The following NUCB2 variants were observed in gnomAD, a reference collection of about 807,000 sequenced individuals.
NUCB2 encodes nucleobindin 2.
In NUCB2, 48 loss-of-function variants were observed where a neutral mutation model predicts 57.9. The ratio of observed to expected loss-of-function variants is 0.83; its 90% CI spans 0.66 to 1.05. The LOEUF is 1.05. NUCB2 is among the 50% of genes least tolerant of loss of function. The pLI is 0.00. For synonymous variants in NUCB2, 139 were observed against 152.1 expected, an observed-to-expected ratio of 0.91 and a Z score of 0.64; for missense variants, 442 against 476.2, an observed-to-expected ratio of 0.93 and a Z score of 0.67.
intron 2 of NUCB2, 128 bp from the exon 3 acceptor site, chr11:17,295,196 C>A: frequency 1.4e-6 from 1 of 718,358 alleles, no homozygotes; most frequent in Non-Finnish European, 2.1e-6. Context: ...CTTTCCTTTC[C>A]TATAATTTTT....
At chr11:17,303,629 A>T (rs2138683830) in intron 5 of NUCB2, among the ~76,000 whole-genome samples, 1 of 152,342 alleles carries the variant, frequency 6.6e-6, no homozygotes, top group East Asian at 1.9e-4. Context: ...TCACGCCTGT[A>T]ATCCCAGCAC....
intron 8 of NUCB2, among the ~76,000 whole-genome samples, chr11:17,311,623 A>G (rs915185668): frequency 2.0e-5 from 3 of 152,132 alleles, no homozygotes; most frequent in African/African-American, 7.2e-5. Context: ...ATATTGCTTT[A>G]CTTTATATTT....
In NUCB2 at chr11:17,348,318, T is replaced by G. The variant is rs555873769; in HGVS notation, n.2627-1027T>G. Reference sequence around the variant, plus strand: ...ATGAGGTGTTTTTTGTTTGTTTTTGTGTTTTTTTTTTTTTTTTTTTTTTTT... The same window carrying G: ...ATGAGGTGTTTTTTGTTTGTTTTTGGGTTTTTTTTTTTTTTTTTTTTTTTT... On this transcript the variant is annotated intron_variant and non_coding_transcript_variant, in intron 2 of 2. Coordinates refer to the NUCB2 transcript ENST00000532240. Among the ~76,000 whole-genome samples, 45 of 82,438 alleles carry G rather than the reference T, an allele frequency of 5.5e-4. 1 individual carries two copies. The South Asian group carries it at 0.017, about 30-fold the overall frequency. 54.1% of individuals were successfully genotyped at this position (82,438 alleles called of 152,430 possible).
At chr11:17,345,157 A>G (rs1470204807) in intron 2 of NUCB2, among the ~76,000 whole-genome samples, 2 of 152,176 alleles carry the variant, frequency 1.3e-5, no homozygotes, top group South Asian at 2.1e-4. Context: ...AAGACCATTC[A>G]GTATCTTCTG....
intron 11 of NUCB2, among the ~76,000 whole-genome samples, chr11:17,317,364 T>C (rs1949391535): frequency 6.6e-6 from 1 of 152,146 alleles, no homozygotes; most frequent in Non-Finnish European, 1.5e-5. Context: ...TAAGAGTAAA[T>C]TACACATCAT....
intron 2 of NUCB2, among the ~76,000 whole-genome samples, chr11:17,285,167 C>T (rs1048378000): frequency 2.6e-5 from 4 of 152,166 alleles, no homozygotes; most frequent in African/African-American, 4.8e-5. Context: ...GTGGCTCATG[C>T]CTGTAATCCC....
chr11:17,298,615 A>G (rs1375557608), intron 4 of NUCB2, among the ~76,000 whole-genome samples: 1 of 151,976 alleles, frequency 6.6e-6, no homozygotes, highest in East Asian at 1.9e-4. Context: ...TAAAACGCAA[A>G]CCAATAGAAT....
chr11:17,278,817 T>G (rs1285071247), intron 1 of NUCB2, among the ~76,000 whole-genome samples: 1 of 152,218 alleles, frequency 6.6e-6, no homozygotes, highest in African/African-American at 2.4e-5. Flanking sequence ...AAGGACCCTT[T>G]TGAAGGCTGG....
At chr11:17,312,618 G>A (rs1034858160) in intron 10 of NUCB2, among the ~76,000 whole-genome samples, 1 of 151,970 alleles carries the variant, frequency 6.6e-6, no homozygotes, top group African/African-American at 2.4e-5. Context: ...GGCCAGGCTG[G>A]TCTTGAACTC....
At chr11:17,339,835 C>T (rs1313748175) in intron 2 of NUCB2, among the ~76,000 whole-genome samples, 1 of 152,058 alleles carries the variant, frequency 6.6e-6, no homozygotes, top group Admixed American at 6.6e-5. Flanking sequence ...GTCTTTATAG[C>T]AGCATGTTTT....
chr11:17,313,404 C>T (rs1174695554), intron 10 of NUCB2, among the ~76,000 whole-genome samples: 2 of 151,982 alleles, frequency 1.3e-5, no homozygotes, highest in Admixed American at 1.3e-4. Flanking sequence ...GTAGTGCATA[C>T]CTACAATCCC....
chr11:17,326,559 T>A (rs1444535672), intron 11 of NUCB2, among the ~76,000 whole-genome samples: 2 of 152,100 alleles, frequency 1.3e-5, no homozygotes, highest in African/African-American at 4.8e-5. Context: ...CCTCAAGTGA[T>A]CTGCCTACCT....
intron 2 of NUCB2, among the ~76,000 whole-genome samples, chr11:17,345,862 G>A (rs1186928298): frequency 6.6e-6 from 1 of 151,858 alleles, no homozygotes; most frequent in African/African-American, 2.4e-5. Context: ...TAAATAATTG[G>A]ATTTTAATTT....
chr11:17,282,740 G>A (rs2137931944), intron 1 of NUCB2, 49 bp from the exon 2 acceptor site: 1 of 152,076 alleles, frequency 6.6e-6, no homozygotes, highest in East Asian at 1.9e-4. Flanking sequence ...TCTAAATTTT[G>A]TGATTTTGTG....
chr11:17,292,761 A>G (rs1416349084), intron 2 of NUCB2, among the ~76,000 whole-genome samples: 1 of 152,238 alleles, frequency 6.6e-6, no homozygotes, highest in East Asian at 1.9e-4. Flanking sequence ...TATTGACTTC[A>G]CAGAGTCATT....
At chr11:17,291,628 C>G (rs187534159) in intron 2 of NUCB2, among the ~76,000 whole-genome samples, 7 of 147,284 alleles carry the variant, frequency 4.8e-5, no homozygotes, top group African/African-American at 1.8e-4. Context: ...AGTCACAATT[C>G]ATTGTCCTCT....
intron 1 of NUCB2, chr11:17,278,498 ATCTG>A: frequency 6.6e-6 from 1 of 152,204 alleles, no homozygotes; most frequent in South Asian, 2.1e-4. Context: ...TAAGAGTCGA[ATCTG>A]TCTATGTTGT....
intron 4 of NUCB2, among the ~76,000 whole-genome samples, chr11:17,300,918 C>A (rs187116480): frequency 7.3e-4 from 106 of 145,322 alleles, no homozygotes; most frequent in African/African-American, 2.6e-3. Context: ...TGATGCTTTT[C>A]TAAATTACAT....
chr11:17,311,358 C>T (rs576692353), intron 8 of NUCB2, 75 bp downstream of exon 8: 19 of 1,050,554 alleles, frequency 1.8e-5, no homozygotes, highest in South Asian at 1.2e-4. Context: ...TAATTGATTT[C>T]TGCCAAGGTC....
Sources: allele counts gnomAD v4.1 joint callset (sites outside exome capture counted in the v4.1 genomes callset), GRCh38; gene constraint gnomAD v4.1.1; transcripts MANE v1.5; gene names NCBI Gene and HGNC (gene_info 2026-07-23, HGNC 2026-07-21).